The following GRIA4 variants were observed in gnomAD, a reference collection of about 807,000 sequenced individuals.
GRIA4 encodes glutamate receptor 4.
Under a neutral mutation model 104.0 loss-of-function variants are expected in GRIA4, and 34 were observed. That is an observed-to-expected ratio of 0.33 (90% confidence interval 0.25 to 0.44). The LOEUF is 0.44. GRIA4 is among the 20% of genes least tolerant of loss of function. The pLI, the probability that GRIA4 is intolerant of heterozygous loss-of-function variation, is 1.00. For synonymous variants in GRIA4, 386 were observed against 381.9 expected, an observed-to-expected ratio of 1.01 and a Z score of -0.13; for missense variants, 750 against 1,096.5, an observed-to-expected ratio of 0.68 and a Z score of 4.46.
chr11:105,695,519 C>T (rs796712116), intron 3 of GRIA4, among the ~76,000 whole-genome samples: 40 of 150,684 alleles, frequency 2.7e-4, no homozygotes, highest in African/African-American at 9.0e-4. Context: ...TGTGTGCGTG[C>T]GCGTTTGGTA....
At chr11:105,640,730 A>C (rs578180742) in intron 3 of GRIA4, among the ~76,000 whole-genome samples, 1 of 152,120 alleles carries the variant, frequency 6.6e-6, no homozygotes, top group Admixed American at 6.6e-5. Context: ...ATTGCTTTCC[A>C]AATGGACATA....
chr11:105,610,873 T>A (rs995199118), intron 1 of GRIA4, 35 bp from the exon 2 acceptor site: 1 of 13,678 alleles, frequency 7.3e-5, no homozygotes, highest in Non-Finnish European at 1.9e-4. Context: ...TTCTTTTCTT[T>A]TTTTTTTTTT....
chr11:105,882,717 C>G (rs1351310980), intron 5 of GRIA4, among the ~76,000 whole-genome samples: 1 of 152,174 alleles, frequency 6.6e-6, no homozygotes, highest in Non-Finnish European at 1.5e-5. Flanking sequence ...AGATAATAAA[C>G]ACCCTTGTAA....
chr11:105,821,945 A>G (rs940431431), intron 4 of GRIA4, among the ~76,000 whole-genome samples: 1 of 152,104 alleles, frequency 6.6e-6, no homozygotes, highest in African/African-American at 2.4e-5. Context: ...ACTACTGCAC[A>G]TTGCAGGTGA....
At chr11:105,814,483 A>G (rs1943298440) in intron 4 of GRIA4, among the ~76,000 whole-genome samples, 1 of 152,144 alleles carries the variant, frequency 6.6e-6, no homozygotes, top group Non-Finnish European at 1.5e-5. Flanking sequence ...TCTGCAGCAA[A>G]TGTTGTTTGT....
At chr11:105,868,836 C>G (rs1209860541) in intron 5 of GRIA4, among the ~76,000 whole-genome samples, 1 of 152,116 alleles carries the variant, frequency 6.6e-6, no homozygotes, top group Non-Finnish European at 1.5e-5. Flanking sequence ...TATAAAGCTC[C>G]TTTTGCATAT....
chr11:105,944,999 G>C (rs1227025452), intron 14 of GRIA4, among the ~76,000 whole-genome samples: 1 of 151,954 alleles, frequency 6.6e-6, no homozygotes, highest in African/African-American at 2.4e-5. Flanking sequence ...AATAATTATT[G>C]TTCATATCAG....
At chr11:105,744,717 T>A (rs1032768671) in intron 3 of GRIA4, among the ~76,000 whole-genome samples, 1 of 152,178 alleles carries the variant, frequency 6.6e-6, no homozygotes, top group Non-Finnish European at 1.5e-5. Context: ...CAGAAAATGA[T>A]GACACTTAGA....
At chr11:105,683,476 C>CT (rs973258535) in intron 3 of GRIA4, among the ~76,000 whole-genome samples, 25 of 151,806 alleles carry the variant, frequency 1.6e-4, no homozygotes, top group Non-Finnish European at 1.3e-4. Context: ...TAGAGGAATG[C>CT]TTTTTTCAGT....
intron 12 of GRIA4, 46 bp from the exon 13 acceptor site, chr11:105,926,695 T>C (rs1371453675): frequency 1.8e-6 from 2 of 1,131,950 alleles, no homozygotes. Flanking sequence ...TCTTTCTCTA[T>C]GTTGGTTAAA....
chr11:105,720,333 G>GCCACCCATTCATCAT (rs2135574111), intron 3 of GRIA4, among the ~76,000 whole-genome samples: 3 of 152,098 alleles, frequency 2.0e-5, no homozygotes, highest in African/African-American at 7.2e-5. Flanking sequence ...GCCAGGAGCT[G>GCCACCCATTCATCAT]TGCCACCCTT....
At chr11:105,927,749 C>T (rs972205641) in intron 13 of GRIA4, among the ~76,000 whole-genome samples, 4 of 151,092 alleles carry the variant, frequency 2.6e-5, no homozygotes, top group South Asian at 4.2e-4. Context: ...CAGAGCTATA[C>T]ATTTGGTAAT....
chr11:105,669,210 A>T (rs1341284628), intron 3 of GRIA4, among the ~76,000 whole-genome samples: 1 of 151,568 alleles, frequency 6.6e-6, no homozygotes, highest in Admixed American at 6.6e-5. Flanking sequence ...TTAGACCGCA[A>T]TTTTTTTCCT....
At chr11:105,917,355 A>G (rs1565340955) in intron 10 of GRIA4, among the ~76,000 whole-genome samples, 1 of 152,214 alleles carries the variant, frequency 6.6e-6, no homozygotes, top group Non-Finnish European at 1.5e-5. Context: ...CATCTCTATG[A>G]GAAAATAAAA....
intron 6 of GRIA4, among the ~76,000 whole-genome samples, chr11:105,896,371 G>T (rs1638900585): frequency 6.6e-6 from 1 of 152,070 alleles, no homozygotes; most frequent in South Asian, 2.1e-4. Context: ...TCATTCTGTA[G>T]GCTGGCTATT....
At chr11:105,621,143 A>G (rs1050186352) in intron 3 of GRIA4, among the ~76,000 whole-genome samples, 6 of 151,984 alleles carry the variant, frequency 3.9e-5, no homozygotes, top group African/African-American at 1.4e-4. Context: ...AGCAGAAATT[A>G]TACTATAAGC....
chr11:105,952,833 C>T (rs1180420156), intron 14 of GRIA4, among the ~76,000 whole-genome samples: 1 of 152,164 alleles, frequency 6.6e-6, no homozygotes, highest in Non-Finnish European at 1.5e-5. Context: ...TTTCCACTTA[C>T]AAAAATTTTT....
chr11:105,756,421 C>T (rs1049061117), intron 4 of GRIA4, among the ~76,000 whole-genome samples: 29 of 152,226 alleles, frequency 1.9e-4, no homozygotes, highest in Non-Finnish European at 3.7e-4. Flanking sequence ...TCCACCAACA[C>T]AAATGTACCA....
At chr11:105,778,096 A>T (rs1220943736) in intron 4 of GRIA4, among the ~76,000 whole-genome samples, 2 of 152,216 alleles carry the variant, frequency 1.3e-5, no homozygotes, top group Non-Finnish European at 2.9e-5. Context: ...ACTGAACTGA[A>T]CCAGGTAAAG....
Sources: allele counts gnomAD v4.1 joint callset (sites outside exome capture counted in the v4.1 genomes callset), GRCh38; gene constraint gnomAD v4.1.1; transcripts MANE v1.5; gene names NCBI Gene and HGNC (gene_info 2026-07-23, HGNC 2026-07-21).